TRPM3: variants seen among roughly 807,000 people sequenced by gnomAD.
TRPM3 encodes the protein long transient receptor potential channel 3.
In TRPM3, 77 loss-of-function variants were observed where a neutral mutation model predicts 181.2. The observed-to-expected ratio is 0.42, with a 90% confidence interval of 0.35 to 0.51. The LOEUF is 0.51. TRPM3 is among the 20% of genes least tolerant of loss of function. The pLI is 0.01. For missense variants in TRPM3, 1,759 were observed against 2,196.7 expected (o/e 0.80, Z 3.98); for synonymous variants, 745 against 796.4 (o/e 0.94, Z 1.09).
At chr9:70,929,167 CTTT>C (rs199515595) in intron 1 of TRPM3, among the ~76,000 whole-genome samples, 1 of 141,386 alleles carries the variant, frequency 7.1e-6, no homozygotes, top group Admixed American at 7.1e-5. Flanking sequence ...TAAACATTGA[CTTT>C]TTTTTTTTTT....
intron 25 of TRPM3, among the ~76,000 whole-genome samples, chr9:70,547,236 A>G (rs935737720): frequency 6.6e-6 from 1 of 152,200 alleles, no homozygotes; most frequent in Admixed American, 6.5e-5. Flanking sequence ...TAGAATATAC[A>G]CAGCTAATTT....
chr9:70,911,974 C>G (rs2096542890), intron 1 of TRPM3, among the ~76,000 whole-genome samples: 1 of 152,188 alleles, frequency 6.6e-6, no homozygotes, highest in African/African-American at 2.4e-5. Flanking sequence ...GGCTCAGTAG[C>G]CAGGAATGAG....
intron 1 of TRPM3, among the ~76,000 whole-genome samples, chr9:71,376,985 C>G (rs1375408395): frequency 7.9e-5 from 12 of 152,196 alleles, no homozygotes; most frequent in Admixed American, 5.9e-4. Flanking sequence ...TACATTGATA[C>G]TAATAGCCAC....
chr9:70,846,520 C>A lies in TRPM3; in HGVS notation c.534G>T (p.Glu178Asp). Residue 178 changes from glutamate to aspartate, a missense_variant, in exon 4 of 26, where the codon GAG (glutamate) becomes GAT (aspartate). This residue lies in a region of TRPM3 where 737 missense variants were observed against 957.4 expected (regional missense o/e 0.77). Coordinates refer to ENST00000677713, the MANE Select transcript of TRPM3 (RefSeq NM_001366145.2). Reference protein sequence around the residue: ...LHLMTKEWQLELPKLLISVHG... With the variant: ...LHLMTKEWQLDLPKLLISVHG... ...GGACAGAGATGAGAAGCTTGGGAAGCTCCAACTGCCATTCCTTGGTCATCA... is the reference window on the plus strand; with the variant it reads ...GGACAGAGATGAGAAGCTTGGGAAGATCCAACTGCCATTCCTTGGTCATCA... 6 of 1,614,102 alleles carry A rather than the reference C, an allele frequency of 3.7e-6. No homozygotes were observed. Among genetic ancestry groups the A allele is most frequent in the East Asian group, 2.2e-5 (1 of 44,878 alleles).
chr9:70,947,391 T>C (rs1229210255), intron 1 of TRPM3, among the ~76,000 whole-genome samples: 2 of 152,206 alleles, frequency 1.3e-5, no homozygotes, highest in South Asian at 2.1e-4. Flanking sequence ...TTTTTGTTTT[T>C]AAGAACTGCC....
intron 1 of TRPM3, among the ~76,000 whole-genome samples, chr9:71,337,377 T>C (rs545875642): frequency 6.6e-6 from 1 of 152,262 alleles, no homozygotes; most frequent in East Asian, 1.9e-4. Context: ...CACAATGAGA[T>C]ACCATCTCAT....
chr9:70,922,809 C>G (rs899835344), intron 1 of TRPM3, among the ~76,000 whole-genome samples: 1 of 152,068 alleles, frequency 6.6e-6, no homozygotes, highest in Non-Finnish European at 1.5e-5. Flanking sequence ...CGTTTTCTTT[C>G]CACATATTGA....
In TRPM3 at chr9:71,226,009, T is replaced by TAAAAA; in HGVS notation, c.183+220639_183+220643dup. Among the ~76,000 whole-genome samples the TAAAAA allele has an allele frequency of 7.2e-4, 25 of 34,706 alleles. 1 individual carries two copies. The highest frequency in any genetic ancestry group is 1.3e-3 in the African/African-American group (10 of 7,926). 22.8% of individuals were successfully genotyped at this position (34,706 alleles called of 152,430 possible). ...AGATATGAATAGAAACAACAAAAGG[T>TAAAAA]AAAAAAAAAAAAAAAAAAAAAAAAA... On this transcript the variant is annotated intron_variant, in intron 1 of 24. Coordinates refer to the TRPM3 transcript ENST00000357533.
At chr9:70,551,987 C>G (rs542431252) in intron 24 of TRPM3, among the ~76,000 whole-genome samples, 1 of 152,188 alleles carries the variant, frequency 6.6e-6, no homozygotes, top group East Asian at 1.9e-4. Flanking sequence ...TTGACCAAAT[C>G]GTTTTGGTTT....
chr9:70,696,601 T>C (rs10123720), intron 8 of TRPM3, among the ~76,000 whole-genome samples: 78,841 of 152,080 alleles, frequency 0.52, 21,094 homozygotes, highest in Non-Finnish European at 0.58. Flanking sequence ...AGTTTCTGGG[T>C]TGCTCTGTGG....
rs367694647 is a variant in TRPM3 at position 70,752,049 on chromosome 9, T to TGCGC, written c.1272+9548_1272+9551dup. The stretch of plus-strand genomic sequence containing the variant: ...GTGTGTGTGTGTGTGTGTGTGTGTG[T>TGCGC]GCGCGCGCGCGCGCATACACATGTA... On this transcript the variant is annotated intron_variant, in intron 8 of 25. Coordinates refer to ENST00000677713, the MANE Select transcript of TRPM3 (RefSeq NM_001366145.2). Among the ~76,000 whole-genome samples the TGCGC allele has an allele frequency of 7.5e-3, 874 of 116,414 alleles. 12 individuals are homozygous for TGCGC. Among genetic ancestry groups the TGCGC allele is most frequent in the African/African-American group, 0.024 (808 of 33,014 alleles). 76.4% of individuals were successfully genotyped at this position (116,414 alleles called of 152,430 possible). A position where few individuals can be genotyped will look rare whatever the true frequency, so the allele number is the denominator to read the frequency against.
chr9:70,848,953 G>A (rs547492939), intron 3 of TRPM3, among the ~76,000 whole-genome samples: 1 of 25,736 alleles, frequency 3.9e-5, no homozygotes. Flanking sequence ...CTCCAGCCTG[G>A]GCGACAGAGC....
intron 1 of TRPM3, among the ~76,000 whole-genome samples, chr9:71,331,092 A>G (rs1381167665): frequency 6.6e-6 from 1 of 151,980 alleles, no homozygotes; most frequent in East Asian, 1.9e-4. Context: ...ATAATTTCAT[A>G]TAGTTGATCT....
intron 1 of TRPM3, among the ~76,000 whole-genome samples, chr9:71,310,478 C>A (rs935569036): frequency 2.0e-5 from 3 of 151,932 alleles, no homozygotes; most frequent in African/African-American, 7.2e-5. Flanking sequence ...TCTGGAGGGG[C>A]AAAGGGTAAA....
intron 6 of TRPM3, among the ~76,000 whole-genome samples, chr9:70,817,526 G>C (rs769802142): frequency 4.6e-5 from 7 of 152,210 alleles, no homozygotes; most frequent in Non-Finnish European, 1.0e-4. Flanking sequence ...GGCAGAACCT[G>C]TGTCCTAACT....
chr9:70,681,806 G>A (rs2134245616), intron 8 of TRPM3, among the ~76,000 whole-genome samples: 1 of 152,248 alleles, frequency 6.6e-6, no homozygotes. Context: ...CACTGTTTTG[G>A]TCATAACCAT....
chr9:70,771,720 T>A (rs7875629), intron 7 of TRPM3, among the ~76,000 whole-genome samples: 65,668 of 152,012 alleles, frequency 0.43, 15,005 homozygotes, highest in African/African-American at 0.59. Context: ...ATACCTGGAC[T>A]GTGCATATAA....
At chr9:70,603,306 T>C in intron 20 of TRPM3, 36 bp downstream of exon 20, 1 of 1,603,328 alleles carries the variant, frequency 6.2e-7, no homozygotes, top group Admixed American at 1.7e-5. Context: ...TTAACCACTG[T>C]CTTTCTCTTA....
chr9:71,254,040 C>T (rs1453967774), intron 1 of TRPM3, among the ~76,000 whole-genome samples: 2 of 152,162 alleles, frequency 1.3e-5, no homozygotes, highest in African/African-American at 4.8e-5. Context: ...CTGCCTCAGC[C>T]TCCTGAGTAG....
Sources: gnomAD v4.1 joint callset for allele counts (sites outside exome capture counted in the v4.1 genomes callset) on GRCh38, gnomAD v4.1.1 for gene constraint, gnomAD v4.1.1 regional missense constraint, MANE v1.5 for transcripts, NCBI Gene and HGNC (gene_info 2026-07-23, HGNC 2026-07-21) for gene names.